The following PDE1A variants were observed in gnomAD, a reference collection of about 807,000 sequenced individuals.
PDE1A encodes dual specificity calcium/calmodulin-dependent 3',5'-cyclic nucleotide phosphodiesterase 1A.
In PDE1A, 35 loss-of-function variants were observed where a neutral mutation model predicts 61.7. The observed-to-expected ratio is 0.57, with a 90% CI of 0.43 to 0.75. The LOEUF is 0.75. Ranked by LOEUF, PDE1A falls within the 30% of genes least tolerant of loss-of-function variation. The pLI, the probability that PDE1A is intolerant of heterozygous loss-of-function variation, is 0.00. For missense variants in PDE1A, 597 were observed against 630.6 expected, an observed-to-expected ratio of 0.95 and a Z score of 0.57; for synonymous variants, 232 against 213.2, an observed-to-expected ratio of 1.09 and a Z score of -0.77.
chr2:182,172,715 G>C (rs1692345828), intron 13 of PDE1A, among the ~76,000 whole-genome samples: 1 of 152,040 alleles, frequency 6.6e-6, no homozygotes, highest in South Asian at 2.1e-4. Flanking sequence ...TAAATGATAG[G>C]CTTCTTGGAG....
the PDE1A span, among the ~76,000 whole-genome samples, chr2:182,660,417 T>C: frequency 0.066 from 10,007 of 152,218 alleles, 1,053 homozygotes; most frequent in African/African-American, 0.23. Context: ...TGTATAACCC[T>C]ATTCCCTTGT....
At chr2:182,398,474 C>T (rs149597372) in intron 1 of PDE1A, among the ~76,000 whole-genome samples, 1 of 152,050 alleles carries the variant, frequency 6.6e-6, no homozygotes, top group African/African-American at 2.4e-5. Flanking sequence ...TCTTTATCCT[C>T]TAGTATTTCA....
At chr2:182,147,176 C>A (rs1365197475) in intron 13 of PDE1A, 24 bp from the exon 14 acceptor site, 8 of 1,363,594 alleles carry the variant, frequency 5.9e-6, no homozygotes, top group Non-Finnish European at 7.2e-6. Context: ...GAAACAAAAG[C>A]AAAACAAAAC....
chr2:182,335,662 A>G (rs1371270429), intron 1 of PDE1A, among the ~76,000 whole-genome samples: 1 of 152,170 alleles, frequency 6.6e-6, no homozygotes, highest in East Asian at 1.9e-4. Context: ...AATCATAAAA[A>G]CCCTAGAAGA....
rs147278914 is a variant in PDE1A, at chr2:182,225,113, TTGGGAAAAGGC to T, written c.676-1160_676-1150del. ...AAAGGCTAATTGGTGGCAGTAGATC[TTGGGAAAAGGC>T]TGGAAAAAGGCTGATAGTTAAGTGC... is the stretch of plus-strand genomic sequence containing the variant. On this transcript the variant is annotated intron_variant, in intron 6 of 13. Transcript: ENST00000351439. Among the ~76,000 whole-genome samples, 1,075 of 152,052 alleles carry T rather than the reference TTGGGAAAAGGC, an allele frequency of 7.1e-3. 6 individuals are homozygous for T. Among genetic ancestry groups the T allele is most frequent in the Non-Finnish European group, 0.011 (744 of 67,884 alleles).
chr2:182,616,369 G>A, the PDE1A span, among the ~76,000 whole-genome samples: 1 of 152,242 alleles, frequency 6.6e-6, no homozygotes, highest in African/African-American at 2.4e-5. Context: ...GAGAGGCAAA[G>A]GCCAGAGTAA....
chr2:182,393,490 T>C (rs1231259619), intron 1 of PDE1A, among the ~76,000 whole-genome samples: 2 of 152,246 alleles, frequency 1.3e-5, no homozygotes. Flanking sequence ...GATTAACATT[T>C]GGCTCCTCAT....
At chr2:182,704,072 G>A in the PDE1A span, among the ~76,000 whole-genome samples, 6 of 151,026 alleles carry the variant, frequency 4.0e-5, no homozygotes, top group East Asian at 1.9e-4. Flanking sequence ...TTATCTGGGC[G>A]TGGTGGCAGG....
chr2:182,295,796 T>C (rs1694845274), intron 1 of PDE1A, among the ~76,000 whole-genome samples: 2 of 152,200 alleles, frequency 1.3e-5, no homozygotes, highest in African/African-American at 2.4e-5. Flanking sequence ...TTTAACATTA[T>C]TGAACAAGAA....
the PDE1A span, among the ~76,000 whole-genome samples, chr2:182,651,433 G>A: frequency 6.6e-6 from 1 of 152,170 alleles, no homozygotes; most frequent in African/African-American, 2.4e-5. Flanking sequence ...ACAAAATTTA[G>A]TATGATCTTT....
At chr2:182,157,842 A>T (rs1178516363) in intron 13 of PDE1A, among the ~76,000 whole-genome samples, 1 of 152,204 alleles carries the variant, frequency 6.6e-6, no homozygotes, top group Non-Finnish European at 1.5e-5. Flanking sequence ...ATGTTTTTCC[A>T]TCTCATCTTT....
At chr2:182,421,902 T>C (rs1703299680) in intron 1 of PDE1A, among the ~76,000 whole-genome samples, 1 of 152,328 alleles carries the variant, frequency 6.6e-6, no homozygotes, top group East Asian at 1.9e-4. Context: ...GCTTTTCTTT[T>C]TCTAGGCTTT....
At chr2:182,515,128 C>T (rs1003311220) in intron 2 of PDE1A, among the ~76,000 whole-genome samples, 5 of 152,194 alleles carry the variant, frequency 3.3e-5, no homozygotes, top group Admixed American at 6.5e-5. Flanking sequence ...AGGTAGGTAT[C>T]AGTTTTGTCC....
chr2:182,169,506 A>C (rs1418720050), intron 13 of PDE1A, among the ~76,000 whole-genome samples: 1 of 152,106 alleles, frequency 6.6e-6, no homozygotes, highest in Non-Finnish European at 1.5e-5. Flanking sequence ...AAAAAAATCT[A>C]TAATACTCAA....
In PDE1A at chr2:182,325,709, G is replaced by A. The variant is rs914939423; in HGVS notation, c.54-61295C>T. Among the ~76,000 whole-genome samples the A allele has an allele frequency of 3.4e-4, 52 of 152,114 alleles. 1 individual carries two copies. Among genetic ancestry groups the A allele is most frequent in the African/African-American group, 1.1e-3 (44 of 41,420 alleles). On this transcript the variant is annotated intron_variant, in intron 1 of 13. Coordinates refer to ENST00000351439, the Ensembl canonical transcript of PDE1A. Reference sequence around the variant, plus strand: ...TAGGCAGGTGGATTGCCTGAGCTCAGGTGTTCGTAACCAGCTTGGGCAACA... The same window carrying A: ...TAGGCAGGTGGATTGCCTGAGCTCAAGTGTTCGTAACCAGCTTGGGCAACA...
intron 4 of PDE1A, among the ~76,000 whole-genome samples, chr2:182,232,987 T>A (rs1559227925): frequency 6.6e-6 from 1 of 152,222 alleles, no homozygotes; most frequent in Non-Finnish European, 1.5e-5. Context: ...ATTATTTAAC[T>A]AAAACATTCT....
intron 1 of PDE1A, among the ~76,000 whole-genome samples, chr2:182,381,682 C>T (rs1045277610): frequency 6.6e-6 from 1 of 152,040 alleles, no homozygotes; most frequent in African/African-American, 2.4e-5. Context: ...CATGGTGGTG[C>T]ATGCCTATAA....
chr2:182,702,989 AG>A, the PDE1A span, among the ~76,000 whole-genome samples: 1 of 152,252 alleles, frequency 6.6e-6, no homozygotes, highest in Non-Finnish European at 1.5e-5. Context: ...TTACTTTTAA[AG>A]ACTTCAAGTT....
chr2:182,310,754 C>T (rs1345305643), intron 1 of PDE1A, among the ~76,000 whole-genome samples: 1 of 152,200 alleles, frequency 6.6e-6, no homozygotes, highest in Non-Finnish European at 1.5e-5. Flanking sequence ...CGTTGCCATA[C>T]CTGTGGCAGA....
Sources: gnomAD v4.1 joint callset for allele counts (sites outside exome capture counted in the v4.1 genomes callset) on GRCh38, gnomAD v4.1.1 for gene constraint, MANE v1.5 for transcripts, NCBI Gene and HGNC (gene_info 2026-07-23, HGNC 2026-07-21) for gene names.